MYO1E: variants seen among roughly 807,000 people sequenced by gnomAD.
The protein encoded by MYO1E is myosin IE.
MYO1E carries 68 observed loss-of-function variants against 151.1 expected under a neutral mutation model. That is an observed-to-expected ratio of 0.45 (90% CI 0.37 to 0.55). The LOEUF (loss-of-function observed/expected upper bound fraction) is 0.55, where lower values mean the gene tolerates loss of function less well. Among genes scored for constraint, MYO1E ranks in the 20% least tolerant of loss-of-function variants. The probability of loss-of-function intolerance (pLI) is 0.00; values close to 1 mark genes in which losing one functional copy is unlikely to be tolerated. For missense variants in MYO1E, 1,363 were observed against 1,389.3 expected (o/e 0.98, Z 0.30); for synonymous variants, 601 against 501.7 (o/e 1.20, Z -2.64).
intron 1 of MYO1E, among the ~76,000 whole-genome samples, chr15:59,324,347 C>T (rs8033386): frequency 0.19 from 28,342 of 152,090 alleles, 3,300 homozygotes; most frequent in African/African-American, 0.32. Context: ...ATGACACTAT[C>T]GGAAAGGGGG....
At chr15:59,342,140 A>C (rs1478161012) in intron 1 of MYO1E, among the ~76,000 whole-genome samples, 1 of 152,150 alleles carries the variant, frequency 6.6e-6, no homozygotes, top group Non-Finnish European at 1.5e-5. Flanking sequence ...GGTGTTGAGC[A>C]CCTTTTCATA....
intron 1 of MYO1E, among the ~76,000 whole-genome samples, chr15:59,336,376 AAAG>A (rs1393706484): frequency 1.3e-5 from 2 of 152,192 alleles, no homozygotes; most frequent in Non-Finnish European, 2.9e-5. Flanking sequence ...GTCTCAAAAA[AAAG>A]AAAAGAAAAA....
intron 4 of MYO1E, among the ~76,000 whole-genome samples, chr15:59,239,204 C>CAAAAAA (rs1176332432): frequency 7.2e-6 from 1 of 138,026 alleles, no homozygotes; most frequent in African/African-American, 2.8e-5. Context: ...GAAACTGTGT[C>CAAAAAA]AAAAAATATA....
intron 1 of MYO1E, among the ~76,000 whole-genome samples, chr15:59,369,737 A>G (rs750628583): frequency 3.9e-5 from 6 of 152,188 alleles, no homozygotes; most frequent in Non-Finnish European, 7.3e-5. Context: ...AGGAAGATAG[A>G]AGGTGAACTA....
intron 1 of MYO1E, among the ~76,000 whole-genome samples, chr15:59,292,463 A>C (rs1482158522): frequency 1.3e-5 from 2 of 152,236 alleles, no homozygotes. Flanking sequence ...GAGAAACTAA[A>C]ACTCATGTTG....
At chr15:59,352,255 C>T (rs1294156305) in intron 1 of MYO1E, among the ~76,000 whole-genome samples, 1 of 152,118 alleles carries the variant, frequency 6.6e-6, no homozygotes, top group South Asian at 2.1e-4. Context: ...ATGATTGAGT[C>T]GCATATCTGA....
Position 59,137,208 on chromosome 15 carries a change from C to T in MYO1E, c.*172G>A, listed in dbSNP as rs2079378345. On this transcript the variant is annotated 3_prime_UTR_variant, in exon 28 of 28. Coordinates refer to ENST00000288235, the MANE Select transcript of MYO1E (RefSeq NM_004998.4). ...TTAGGATCACTTATGGAGTGATACT[C>T]CCTGTCCCCAACCCAGCCTTTTCAG... 3 of 666,918 alleles carry T rather than the reference C, an allele frequency of 4.5e-6. No homozygotes were observed. The highest frequency in any genetic ancestry group is 5.4e-6 in the Non-Finnish European group (2 of 370,846). 41.3% of individuals were successfully genotyped at this position (666,918 alleles called of 1,614,324 possible). A position where few individuals can be genotyped will look rare whatever the true frequency, so the allele number is the denominator to read the frequency against.
rs1180361928 is a variant in MYO1E, at chr15:59,275,733, A to C, written c.4-3284T>G. Among the ~76,000 whole-genome samples, 6 of 152,364 alleles carry C rather than the reference A, an allele frequency of 3.9e-5. No homozygotes were observed. In the East Asian group the frequency reaches 5.8e-4, roughly 15 times the overall value. Reference sequence around the variant, plus strand: ...CTGACCTGCCCAGATCGTCAAGGACAAGGTGGATCAATGAAAGCTGGGAAG... The same window carrying C: ...CTGACCTGCCCAGATCGTCAAGGACCAGGTGGATCAATGAAAGCTGGGAAG... On this transcript the variant is annotated intron_variant, in intron 1 of 27. Coordinates refer to ENST00000288235, the MANE Select transcript of MYO1E (RefSeq NM_004998.4).
At chr15:59,180,601 C>A (rs1286241853) in intron 18 of MYO1E, among the ~76,000 whole-genome samples, 1 of 151,376 alleles carries the variant, frequency 6.6e-6, no homozygotes, top group Non-Finnish European at 1.5e-5. Context: ...CTTATCCTGA[C>A]AAGGCCTCCA....
Position 59,224,917 on chromosome 15 carries a change from CTA to C in MYO1E, c.643-96_643-95del, listed in dbSNP as rs1358219603. 4.5e-6 allele frequency: 7 copies of C among 1,538,948 alleles called. No individual in the cohort carries two copies. The Admixed American group carries it at 5.1e-5, about 11-fold the overall frequency. On this transcript the variant is annotated intron_variant, in intron 7 of 27. Transcript: ENST00000288235. ...TGCAGCCACCATCCCTAAGGACTTT[CTA>C]TCTCTGCTTTCTAAAATTACAGGCA...
In MYO1E at chr15:59,174,109, C is replaced by CA; in HGVS notation, c.2164+16dup. ...TTCAGATTTATTAAAATCAATGAAA[C>CA]AAAATTGCTAAAATACCTTCTTCTC... On this transcript the variant is annotated intron_variant, in intron 20 of 27. Coordinates refer to ENST00000288235, the MANE Select transcript of MYO1E (RefSeq NM_004998.4). The CA allele has an allele frequency of 6.2e-7, 1 of 1,600,348 alleles. No individual in the cohort carries two copies. The highest frequency in any genetic ancestry group is 8.6e-7 in the Non-Finnish European group (1 of 1,167,646).
chr15:59,141,024 C>A (rs2079405816), intron 26 of MYO1E, among the ~76,000 whole-genome samples: 1 of 152,192 alleles, frequency 6.6e-6, no homozygotes, highest in Admixed American at 6.5e-5. Context: ...TGAAAGTTGG[C>A]CAGGCGAGCA....
At chr15:59,152,809 C>T (rs1266464844) in intron 26 of MYO1E, among the ~76,000 whole-genome samples, 1 of 152,164 alleles carries the variant, frequency 6.6e-6, no homozygotes, top group Non-Finnish European at 1.5e-5. Context: ...CTGAACACTC[C>T]TGCCTGGTGA....
At chr15:59,188,258 T>G in intron 17 of MYO1E, 42 bp from the exon 18 acceptor site, 1 of 1,511,772 alleles carries the variant, frequency 6.6e-7, no homozygotes, top group African/African-American at 1.4e-5. Flanking sequence ...TACTGGATAA[T>G]CCTTTCACTC....
chr15:59,263,300 A>T (rs1012343276), intron 2 of MYO1E, among the ~76,000 whole-genome samples: 2 of 152,206 alleles, frequency 1.3e-5, no homozygotes, highest in Admixed American at 6.5e-5. Flanking sequence ...TGATAGTCTC[A>T]TTTTACTTAA....
intron 26 of MYO1E, among the ~76,000 whole-genome samples, chr15:59,145,293 T>C (rs2079435011): frequency 6.6e-6 from 1 of 152,230 alleles, no homozygotes; most frequent in African/African-American, 2.4e-5. Context: ...GCATGCCCAC[T>C]GTGCCAGAAC....
At chr15:59,261,003 C>G (rs58476807) in intron 3 of MYO1E, among the ~76,000 whole-genome samples, 9,181 of 152,148 alleles carry the variant, frequency 0.06, 897 homozygotes, top group African/African-American at 0.21. Flanking sequence ...CACCTGAGGT[C>G]AGGCGTTCAA....
At chr15:59,260,419 T>C (rs1304745933) in intron 3 of MYO1E, among the ~76,000 whole-genome samples, 2 of 152,226 alleles carry the variant, frequency 1.3e-5, no homozygotes, top group African/African-American at 2.4e-5. Context: ...TCTGGGTAAA[T>C]TGCCTTCCAC....
At chr15:59,138,459 G>A (rs1309949959) in intron 26 of MYO1E, 92 bp from the exon 27 acceptor site, 4 of 1,371,724 alleles carry the variant, frequency 2.9e-6, no homozygotes, top group African/African-American at 1.4e-5. Context: ...GCACTGGCCT[G>A]TTCAAGTTCA....
Sources: gnomAD v4.1 joint callset for allele counts (sites outside exome capture counted in the v4.1 genomes callset) on GRCh38, gnomAD v4.1.1 for gene constraint, MANE v1.5 for transcripts, NCBI Gene and HGNC (gene_info 2026-07-23, HGNC 2026-07-21) for gene names.